SMARCC1: variants seen among roughly 807,000 people sequenced by gnomAD.
SMARCC1 encodes SWI/SNF complex subunit SMARCC1.
In SMARCC1, 43 loss-of-function variants were observed where a neutral mutation model predicts 147.4. The observed-to-expected ratio is 0.29, with a 90% CI of 0.23 to 0.38. The LOEUF (loss-of-function observed/expected upper bound fraction) is 0.38, where lower values mean the gene tolerates loss of function less well. SMARCC1 is among the 10% of genes least tolerant of loss of function. The pLI is 1.00. For synonymous variants in SMARCC1, 495 were observed against 484.4 expected (o/e 1.02, Z -0.29); for missense variants, 1,119 against 1,381.1 (o/e 0.81, Z 3.01).
chr3:47,648,459 T>G (rs547105490), intron 21 of SMARCC1, among the ~76,000 whole-genome samples: 1 of 152,278 alleles, frequency 6.6e-6, no homozygotes, highest in South Asian at 2.1e-4. Context: ...CAATCAGAAC[T>G]CACTGCAGCC....
intron 25 of SMARCC1, among the ~76,000 whole-genome samples, chr3:47,620,396 G>A (rs981335079): frequency 6.6e-6 from 1 of 152,022 alleles, no homozygotes; most frequent in Non-Finnish European, 1.5e-5. Flanking sequence ...CTGGGAGGTG[G>A]AGGTTGTGGT....
chr3:47,597,966 C>T (rs1052896043), intron 26 of SMARCC1, among the ~76,000 whole-genome samples: 1 of 152,134 alleles, frequency 6.6e-6, no homozygotes, highest in Non-Finnish European at 1.5e-5. Flanking sequence ...ACAGAGGTAT[C>T]GGTGAAGGGA....
At chr3:47,766,899 C>T (rs952739755) in intron 2 of SMARCC1, among the ~76,000 whole-genome samples, 1 of 152,040 alleles carries the variant, frequency 6.6e-6, no homozygotes, top group Non-Finnish European at 1.5e-5. Flanking sequence ...TAAAGTTCCA[C>T]TCTAGCTGGG....
intron 26 of SMARCC1, among the ~76,000 whole-genome samples, chr3:47,599,483 C>A (rs1387090571): frequency 2.0e-5 from 3 of 152,142 alleles, no homozygotes; most frequent in South Asian, 4.1e-4. Context: ...TCATTCAATC[C>A]CCATAACAAC....
intron 1 of SMARCC1, among the ~76,000 whole-genome samples, chr3:47,776,885 C>T (rs1394561533): frequency 6.6e-6 from 1 of 151,992 alleles, no homozygotes; most frequent in African/African-American, 2.4e-5. Context: ...AGCAATTCTC[C>T]TCCCTTAGCC....
chr3:47,738,845 G>C (rs2034475711), intron 3 of SMARCC1, among the ~76,000 whole-genome samples: 1 of 152,206 alleles, frequency 6.6e-6, no homozygotes, highest in Non-Finnish European at 1.5e-5. Context: ...TAGCAGTCAA[G>C]AGCAGAGACT....
At chr3:47,674,088 A>G (rs1035861544) in intron 18 of SMARCC1, among the ~76,000 whole-genome samples, 1 of 152,262 alleles carries the variant, frequency 6.6e-6, no homozygotes, top group Non-Finnish European at 1.5e-5. Context: ...TCATGTTTCT[A>G]AATAATGTAA....
intron 19 of SMARCC1, chr3:47,664,067 T>C (rs2033387774): frequency 3.9e-6 from 2 of 506,370 alleles, no homozygotes; most frequent in Non-Finnish European, 6.8e-6. Context: ...AAGTGACCCT[T>C]TGCGTAACTG....
At chr3:47,595,824 T>A (rs1354658257) in intron 26 of SMARCC1, among the ~76,000 whole-genome samples, 1 of 150,774 alleles carries the variant, frequency 6.6e-6, no homozygotes, top group Non-Finnish European at 1.5e-5. Context: ...AACCTCTGCC[T>A]CCCTGGTTCA....
intron 12 of SMARCC1, 131 bp from the exon 13 acceptor site, chr3:47,689,555 T>C: frequency 1.4e-6 from 1 of 713,390 alleles, no homozygotes. Context: ...TAAAGCAAAA[T>C]CACTCTGAAT....
chr3:47,589,636 T>C (rs991820337), intron 27 of SMARCC1, among the ~76,000 whole-genome samples: 1 of 152,214 alleles, frequency 6.6e-6, no homozygotes, highest in Admixed American at 6.5e-5. Context: ...GTCTTTCTTC[T>C]GTGCACCTAC....
intron 16 of SMARCC1, among the ~76,000 whole-genome samples, chr3:47,677,862 A>G (rs1046765171): frequency 1.3e-5 from 2 of 152,060 alleles, no homozygotes; most frequent in African/African-American, 4.8e-5. Context: ...AAAATTTTCA[A>G]CCTCTAATGC....
intron 1 of SMARCC1, among the ~76,000 whole-genome samples, chr3:47,773,592 T>C (rs1318458719): frequency 3.3e-5 from 5 of 152,188 alleles, no homozygotes; most frequent in East Asian, 1.9e-4. Flanking sequence ...GGCAATTACA[T>C]GTTCAATATC....
At chr3:47,630,860 T>G (rs2032877974) in intron 24 of SMARCC1, among the ~76,000 whole-genome samples, 1 of 152,082 alleles carries the variant, frequency 6.6e-6, no homozygotes, top group Admixed American at 6.5e-5. Context: ...ACCAGGAGTT[T>G]GAGACCAGCC....
intron 2 of SMARCC1, among the ~76,000 whole-genome samples, chr3:47,760,340 A>C (rs1261359503): frequency 1.3e-5 from 2 of 152,066 alleles, no homozygotes; most frequent in African/African-American, 4.8e-5. Flanking sequence ...ATTTTTACAA[A>C]TGTAACATTT....
chr3:47,744,730 A>C (rs969914915), intron 3 of SMARCC1, among the ~76,000 whole-genome samples: 3 of 152,150 alleles, frequency 2.0e-5, no homozygotes, highest in Non-Finnish European at 4.4e-5. Context: ...CCCACAGCTC[A>C]GGACATCACT....
intron 2 of SMARCC1, among the ~76,000 whole-genome samples, chr3:47,746,748 GAGAT>G (rs2034568480): frequency 1.3e-5 from 1 of 79,872 alleles, no homozygotes; most frequent in African/African-American, 4.6e-5. Context: ...TTTTTTTTTT[GAGAT>G]AGAATTTTGC....
intron 2 of SMARCC1, among the ~76,000 whole-genome samples, chr3:47,750,019 T>C (rs2034611873): frequency 6.6e-6 from 1 of 151,270 alleles, no homozygotes; most frequent in East Asian, 2.0e-4. Flanking sequence ...GACATGGAGC[T>C]TGCAGTGAGC....
chr3:47,660,059 G>T (rs1386849747), intron 21 of SMARCC1, among the ~76,000 whole-genome samples: 2 of 151,896 alleles, frequency 1.3e-5, no homozygotes, highest in South Asian at 4.2e-4. Flanking sequence ...TCTACCCCTA[G>T]GTATACACCC....
Sources: gnomAD v4.1 joint callset for allele counts (sites outside exome capture counted in the v4.1 genomes callset) on GRCh38, gnomAD v4.1.1 for gene constraint, MANE v1.5 for transcripts, NCBI Gene and HGNC (gene_info 2026-07-23, HGNC 2026-07-21) for gene names.